NRCAM: variants seen among roughly 807,000 people sequenced by gnomAD.
NRCAM encodes the protein NgCAM-related cell adhesion molecule.
Under a neutral mutation model 156.5 loss-of-function variants are expected in NRCAM, and 83 were observed. That is an observed-to-expected ratio of 0.53 (90% CI 0.44 to 0.64). NRCAM has a LOEUF of 0.64. Among genes scored for constraint, NRCAM ranks in the 30% least tolerant of loss-of-function variants. The probability of loss-of-function intolerance (pLI) is 0.00; values close to 1 mark genes in which losing one functional copy is unlikely to be tolerated. For missense variants in NRCAM, 1,417 were observed against 1,597.3 expected (o/e 0.89, Z 1.92); for synonymous variants, 538 against 563.9 (o/e 0.95, Z 0.65).
chr7:108,424,478 G>A (rs990421063), intron 1 of NRCAM, among the ~76,000 whole-genome samples: 4 of 152,188 alleles, frequency 2.6e-5, no homozygotes, highest in African/African-American at 7.2e-5. Flanking sequence ...TTGCCTATCA[G>A]GCAAGAAAGC....
chr7:108,393,604 C>T (rs1032660559), intron 2 of NRCAM, among the ~76,000 whole-genome samples: 4 of 152,204 alleles, frequency 2.6e-5, no homozygotes, highest in South Asian at 2.1e-4. Context: ...CACCCCTGTC[C>T]GACAAGCCCC....
chr7:108,263,681 T>C (rs890029244), intron 3 of NRCAM, among the ~76,000 whole-genome samples: 1 of 152,212 alleles, frequency 6.6e-6, no homozygotes, highest in African/African-American at 2.4e-5. Context: ...AAGTCATTCA[T>C]CTGACCCACT....
chr7:108,189,022 A>T lies in NRCAM; in HGVS notation c.2035+623T>A, dbSNP rs10256475. 6.4e-3 allele frequency among the ~76,000 whole-genome samples: 942 copies of T among 146,116 alleles called. 9 individuals are homozygous for T. The highest frequency in any genetic ancestry group is 0.022 in the African/African-American group (883 of 40,438). ...AACTTCGAAGCTTACCTATAGTCTA[A>T]TTTTATTATGCTCTTCTAGTATCCT... On this transcript the variant is annotated intron_variant, in intron 20 of 32. Coordinates refer to ENST00000379028, the MANE Select transcript of NRCAM (RefSeq NM_001037132.4).
At chr7:108,405,363 A>G (rs781507232) in intron 1 of NRCAM, among the ~76,000 whole-genome samples, 5 of 152,254 alleles carry the variant, frequency 3.3e-5, no homozygotes, top group Non-Finnish European at 5.9e-5. Flanking sequence ...GGCAGGAGCC[A>G]GGAAGAAAGG....
At chr7:108,334,078 T>C (rs2099154222) in intron 2 of NRCAM, among the ~76,000 whole-genome samples, 1 of 152,242 alleles carries the variant, frequency 6.6e-6, no homozygotes, top group Admixed American at 6.5e-5. Context: ...GAACACACAA[T>C]ATTCCACTGA....
chr7:108,157,536 T>A (rs894499101), intron 32 of NRCAM, among the ~76,000 whole-genome samples: 12 of 152,146 alleles, frequency 7.9e-5, no homozygotes, highest in African/African-American at 2.9e-4. Context: ...GTCTTTTGAT[T>A]CCAAGCTAGT....
intron 2 of NRCAM, among the ~76,000 whole-genome samples, chr7:108,332,753 G>A (rs1050783163): frequency 2.0e-5 from 3 of 151,998 alleles, no homozygotes; most frequent in Non-Finnish European, 4.4e-5. Context: ...GTAGACATGG[G>A]GTGTGTCAAT....
rs1402770849 is a variant in NRCAM at position 108,226,226 on chromosome 7, A to G, written c.703T>C (p.Ser235Pro). The G allele has an allele frequency of 1.9e-6, 3 of 1,598,756 alleles. No homozygotes were observed. The highest frequency in any genetic ancestry group is 1.7e-6 in the Non-Finnish European group (2 of 1,175,896). ...TQTIQQKQPI[S>P]VKVISVDELN... ...CTCTTACCTGAAATCACCTTCACAG[A>G]AATAGGTTGCTTCTGCTGTATGGTT... The change falls in exon 9 of 33, where the codon TCT (serine) becomes CCT (proline). Residue 235 changes from serine to proline, a missense_variant. Transcript: ENST00000379028.
intron 2 of NRCAM, among the ~76,000 whole-genome samples, chr7:108,349,817 C>G (rs948945077): frequency 2.6e-5 from 4 of 152,114 alleles, no homozygotes; most frequent in Non-Finnish European, 5.9e-5. Context: ...ATCCCTACAC[C>G]GAGGTCATAG....
chr7:108,325,714 G>A (rs2099061368), intron 2 of NRCAM, among the ~76,000 whole-genome samples: 1 of 151,912 alleles, frequency 6.6e-6, no homozygotes, highest in African/African-American at 2.4e-5. Context: ...GGATTTATGA[G>A]AGCAGGAATT....
chr7:108,311,299 T>C (rs1304763635), intron 3 of NRCAM, among the ~76,000 whole-genome samples: 1 of 152,194 alleles, frequency 6.6e-6, no homozygotes, highest in Non-Finnish European at 1.5e-5. Context: ...TTCTAACAAC[T>C]GTAATTTGGT....
At chr7:108,212,199 G>A (rs1443515670) in intron 11 of NRCAM, among the ~76,000 whole-genome samples, 1 of 152,178 alleles carries the variant, frequency 6.6e-6, no homozygotes, top group Non-Finnish European at 1.5e-5. Flanking sequence ...AACGGGGAGA[G>A]TACTACATCA....
chr7:108,249,513 TA>T (rs993297408), intron 3 of NRCAM, among the ~76,000 whole-genome samples: 3 of 151,502 alleles, frequency 2.0e-5, no homozygotes, highest in African/African-American at 4.8e-5. Context: ...TCTGCCTTTA[TA>T]AAAAAAAATA....
At chr7:108,299,192 G>T (rs1198853947) in intron 3 of NRCAM, among the ~76,000 whole-genome samples, 1 of 148,694 alleles carries the variant, frequency 6.7e-6, no homozygotes, top group African/African-American at 2.5e-5. Flanking sequence ...GACGCAAAGG[G>T]GCCAGGGAAA....
chr7:108,347,032 G>T (rs376627513), intron 2 of NRCAM, among the ~76,000 whole-genome samples: 177 of 82,928 alleles, frequency 2.1e-3, no homozygotes, highest in Admixed American at 6.6e-3. Context: ...TTATATTTCT[G>T]TTTTTTTTTT....
chr7:108,279,725 C>A (rs918471628), intron 3 of NRCAM, among the ~76,000 whole-genome samples: 3 of 150,218 alleles, frequency 2.0e-5, no homozygotes, highest in African/African-American at 7.4e-5. Flanking sequence ...CCACAGCCAA[C>A]TGATTTTTTT....
intron 1 of NRCAM, among the ~76,000 whole-genome samples, chr7:108,434,541 T>TACACAC (rs141756969): frequency 0.031 from 4,307 of 141,180 alleles, 86 homozygotes; most frequent in African/African-American, 0.047. Context: ...CAATGGAATG[T>TACACAC]ACACACACAC....
chr7:108,418,533 G>T (rs1262578978), intron 1 of NRCAM, among the ~76,000 whole-genome samples: 1 of 151,214 alleles, frequency 6.6e-6, no homozygotes, highest in East Asian at 2.0e-4. Flanking sequence ...TGGGAAGGGA[G>T]AGGTCTTTTA....
intron 2 of NRCAM, among the ~76,000 whole-genome samples, chr7:108,362,974 G>A (rs2099569165): frequency 6.6e-6 from 1 of 152,070 alleles, no homozygotes; most frequent in Non-Finnish European, 1.5e-5. Flanking sequence ...TGTGCAAGAT[G>A]AGCCTGGAGC....
Sources: allele counts gnomAD v4.1 joint callset (sites outside exome capture counted in the v4.1 genomes callset), GRCh38; gene constraint gnomAD v4.1.1; transcripts MANE v1.5; gene names NCBI Gene and HGNC (gene_info 2026-07-23, HGNC 2026-07-21).